The following MICAL2 variants were observed in gnomAD, a reference collection of about 807,000 sequenced individuals.
MICAL2 encodes [F-actin]-monooxygenase MICAL2.
In MICAL2, 77 loss-of-function variants were observed where a neutral mutation model predicts 127.3. The observed-to-expected ratio is 0.60, with a 90% CI of 0.50 to 0.73. The LOEUF is 0.73. Among genes scored for constraint, MICAL2 ranks in the 30% least tolerant of loss-of-function variants. MICAL2 has a pLI of 0.00. For missense variants in MICAL2, 1,351 were observed against 1,434.4 expected (o/e 0.94, Z 0.94); for synonymous variants, 570 against 551.1 (o/e 1.03, Z -0.48).
chr11:12,172,816 C>T (rs978404773), intron 3 of MICAL2, among the ~76,000 whole-genome samples: 10 of 152,002 alleles, frequency 6.6e-5, no homozygotes, highest in Non-Finnish European at 1.2e-4. Context: ...GCAAACTTCC[C>T]GAGGCCCCGC....
At chr11:12,165,664 G>C (rs7101605) in intron 3 of MICAL2, among the ~76,000 whole-genome samples, 37,043 of 152,188 alleles carry the variant, frequency 0.24, 4,945 homozygotes, top group African/African-American at 0.34. Context: ...TTTATCAGCC[G>C]CTGCCATATG....
chr11:12,155,656 T>A (rs1286618818), intron 2 of MICAL2, among the ~76,000 whole-genome samples: 1 of 152,194 alleles, frequency 6.6e-6, no homozygotes, highest in Non-Finnish European at 1.5e-5. Flanking sequence ...CAATTACTTC[T>A]CTCTCTCTTT....
At chr11:12,260,533 C>T in intron 26 of MICAL2, 1 of 1,015,110 alleles carries the variant, frequency 9.9e-7, no homozygotes, top group Non-Finnish European at 1.2e-6. Context: ...CCCTTGAACA[C>T]TGCAGTGAGT....
chr11:12,314,227 T>G (rs1207351579), intron 29 of MICAL2, among the ~76,000 whole-genome samples: 1 of 151,982 alleles, frequency 6.6e-6, no homozygotes, highest in Non-Finnish European at 1.5e-5. Flanking sequence ...TTTTCATTTG[T>G]CTCATCTGAC....
intron 15 of MICAL2, among the ~76,000 whole-genome samples, chr11:12,231,705 A>G (rs1308211674): frequency 6.6e-6 from 1 of 152,198 alleles, no homozygotes; most frequent in Non-Finnish European, 1.5e-5. Context: ...CCACACGCCC[A>G]GCAGCCAAAG....
chr11:12,227,055 C>G lies in MICAL2; in HGVS notation c.1919C>G (p.Ala640Gly). The change falls in exon 15 of 28, where the codon GCT becomes GGT. Residue 640 changes from alanine (A) to glycine (G), a missense_variant. By Grantham distance (60) the Ala-to-Gly change is moderately conservative. Transcript: ENST00000683283. Reference protein sequence around the residue: ...DSWRKNYGENADLSLAKSSIS... With the variant: ...DSWRKNYGENGDLSLAKSSIS... ...TGGCGCAAAAACTATGGAGAAAATG[C>G]TGACCTCAGCTTGGCCAAATCATCC... 1 of 1,614,064 alleles carries G rather than the reference C, an allele frequency of 6.2e-7. No homozygotes were observed. Among genetic ancestry groups the G allele is most frequent in the Non-Finnish European group, 8.5e-7 (1 of 1,179,936 alleles).
intron 2 of MICAL2, among the ~76,000 whole-genome samples, chr11:12,140,807 GAA>G (rs1852280479): frequency 6.6e-6 from 1 of 152,296 alleles, no homozygotes; most frequent in South Asian, 2.1e-4. Context: ...AATTGCCCAT[GAA>G]TAATACCTGT....
chr11:12,321,692 A>G (rs1005961825), intron 30 of MICAL2, among the ~76,000 whole-genome samples: 1 of 152,118 alleles, frequency 6.6e-6, no homozygotes, highest in South Asian at 2.1e-4. Context: ...TGTATCAGCA[A>G]CTTTTTAATA....
At chr11:12,176,800 G>A (rs1431215448) in intron 3 of MICAL2, among the ~76,000 whole-genome samples, 1 of 152,126 alleles carries the variant, frequency 6.6e-6, no homozygotes, top group African/African-American at 2.4e-5. Flanking sequence ...CGTAATGTAT[G>A]TCTGAATTTC....
rs950549547 is a variant in MICAL2 at position 12,287,086 on chromosome 11, G to A, written c.255-1G>A. Reference sequence around the variant, plus strand: ...TTCCCTGTCCCTTTCTTTTTCCACAGCAGCTCTGCAACGGGCCAATAGCTT... The same window carrying A: ...TTCCCTGTCCCTTTCTTTTTCCACAACAGCTCTGCAACGGGCCAATAGCTT... On this transcript the variant is annotated splice_acceptor_variant, in intron 2 of 2. Coordinates refer to the MICAL2 transcript ENST00000529028. LOFTEE classifies it high-confidence loss of function. The A allele has an allele frequency of 7.5e-6, 3 of 398,776 alleles. No individual in the cohort carries two copies. Among genetic ancestry groups the A allele is most frequent in the Non-Finnish European group, 1.3e-5 (3 of 226,050 alleles). The allele number at this position is 398,776 out of a possible 1,614,324, so 24.7% of individuals were successfully genotyped here.
downstream of MICAL2, chr11:12,292,234 C>T: frequency 6.2e-7 from 1 of 1,614,080 alleles, no homozygotes; most frequent in East Asian, 2.2e-5. Flanking sequence ...ATTCATCTTC[C>T]CCACCATCTT....
intron 1 of MICAL2, among the ~76,000 whole-genome samples, chr11:12,276,902 A>C (rs1483999913): frequency 1.3e-5 from 2 of 152,218 alleles, no homozygotes; most frequent in East Asian, 3.8e-4. Flanking sequence ...TAAAATAGAC[A>C]CATATGCTAG....
chr11:12,204,971 G>A (rs2134132006), intron 4 of MICAL2, among the ~76,000 whole-genome samples: 1 of 152,322 alleles, frequency 6.6e-6, no homozygotes, highest in Non-Finnish European at 1.5e-5. Flanking sequence ...CATCGTGCTG[G>A]TGTTGCTGGG....
intron 29 of MICAL2, among the ~76,000 whole-genome samples, chr11:12,299,998 G>A (rs971084893): frequency 1.5e-4 from 23 of 152,144 alleles, no homozygotes; most frequent in African/African-American, 5.1e-4. Flanking sequence ...TTGCTGTGTA[G>A]AATCTAGTCC....
intron 1 of MICAL2, chr11:12,276,456 A>G: frequency 4.1e-6 from 1 of 242,534 alleles, no homozygotes; most frequent in African/African-American, 2.2e-5. Context: ...TGCTCTTCTC[A>G]GGAGGCAGTG....
chr11:12,152,467 T>C (rs1032880490), intron 2 of MICAL2, among the ~76,000 whole-genome samples: 2 of 152,140 alleles, frequency 1.3e-5, no homozygotes, highest in Non-Finnish European at 2.9e-5. Context: ...CCACTCTGTA[T>C]AGGAATTGTT....
intron 4 of MICAL2, among the ~76,000 whole-genome samples, chr11:12,206,012 G>T (rs1328662706): frequency 2.6e-5 from 4 of 152,208 alleles, no homozygotes; most frequent in Non-Finnish European, 5.9e-5. Context: ...AGACACAGGA[G>T]AATTTACCAG....
chr11:12,234,501 G>T (rs1357092808), intron 15 of MICAL2, among the ~76,000 whole-genome samples: 3 of 152,174 alleles, frequency 2.0e-5, no homozygotes, highest in African/African-American at 7.2e-5. Flanking sequence ...CTTGGTGTTT[G>T]CCCAAGCTTT....
intron 7 of MICAL2, among the ~76,000 whole-genome samples, chr11:12,214,403 T>C (rs1194260767): frequency 6.6e-6 from 1 of 152,230 alleles, no homozygotes; most frequent in Non-Finnish European, 1.5e-5. Context: ...GCTTGTTATG[T>C]GACTGTAGCT....
Sources: gnomAD v4.1 joint callset for allele counts (sites outside exome capture counted in the v4.1 genomes callset) on GRCh38, gnomAD v4.1.1 for gene constraint, MANE v1.5 for transcripts, NCBI Gene and HGNC (gene_info 2026-07-23, HGNC 2026-07-21) for gene names.